The following ZNF516 variants were observed in gnomAD, a reference collection of about 807,000 sequenced individuals.
ZNF516 encodes the protein zinc finger protein 516.
ZNF516 carries 19 observed loss-of-function variants against 79.7 expected under a neutral mutation model. That is an observed-to-expected ratio of 0.24 (90% CI 0.17 to 0.35). The LOEUF (loss-of-function observed/expected upper bound fraction) is 0.35. ZNF516 is among the 10% of genes least tolerant of loss of function. The probability of loss-of-function intolerance (pLI) is 1.00; values close to 1 mark genes in which losing one functional copy is unlikely to be tolerated. For missense variants in ZNF516, 1,678 were observed against 1,679.5 expected (o/e 1.00, Z 0.02); for synonymous variants, 877 against 739.5 (o/e 1.19, Z -3.02).
intron 3 of ZNF516, among the ~76,000 whole-genome samples, chr18:76,403,834 T>C (rs757654352): frequency 7.2e-5 from 11 of 152,316 alleles, no homozygotes; most frequent in Middle Eastern, 3.4e-3. Context: ...ACATCAAAAC[T>C]AAAAGATGCA....
chr18:76,443,302 A>C, intron 2 of ZNF516, 91 bp from the exon 3 acceptor site: 1 of 487,590 alleles, frequency 2.1e-6, no homozygotes, highest in Non-Finnish European at 3.6e-6. Context: ...CCCAAAACAT[A>C]CCCATCCAAC....
intron 3 of ZNF516, among the ~76,000 whole-genome samples, chr18:76,427,449 G>T (rs1295797803): frequency 6.6e-6 from 1 of 152,158 alleles, no homozygotes; most frequent in Non-Finnish European, 1.5e-5. Flanking sequence ...AATTTTGTTG[G>T]AAAAACCAGA....
chr18:76,364,466 G>C (rs899492078), intron 6 of ZNF516, among the ~76,000 whole-genome samples: 2 of 152,166 alleles, frequency 1.3e-5, no homozygotes, highest in African/African-American at 4.8e-5. Flanking sequence ...CAAAACATGA[G>C]AAGCTTTCGG....
chr18:76,442,737 G>C lies in ZNF516; in HGVS notation c.318C>G (p.Arg106=). 1 of 1,583,122 alleles carries C rather than the reference G, an allele frequency of 6.3e-7. No homozygotes were observed. Among genetic ancestry groups the C allele is most frequent in the South Asian group, 1.1e-5 (1 of 87,940 alleles). The change falls in exon 3 of 7, where the codon CGC becomes CGG. Residue 106 remains arginine (R), a synonymous_variant. Coordinates refer to ENST00000443185, the MANE Select transcript of ZNF516 (RefSeq NM_014643.4). ...EAGEAPLGEM[R]ASEGLDACAS... is the part of the protein sequence containing the mutation. Reference sequence around the variant, plus strand: ...CGCAGGCGTCCAGGCCCTCGGAGGCGCGCATCTCACCCAGCGGCGCCTCGC... The same window carrying C: ...CGCAGGCGTCCAGGCCCTCGGAGGCCCGCATCTCACCCAGCGGCGCCTCGC...
chr18:76,403,426 G>A (rs1480126554), intron 3 of ZNF516, among the ~76,000 whole-genome samples: 1 of 152,200 alleles, frequency 6.6e-6, no homozygotes, highest in Non-Finnish European at 1.5e-5. Context: ...TACATGCACA[G>A]CCACACCTGG....
chr18:76,464,169 C>CA (rs566545722), intron 1 of ZNF516, among the ~76,000 whole-genome samples: 8 of 150,460 alleles, frequency 5.3e-5, no homozygotes, highest in South Asian at 2.1e-4. Flanking sequence ...ACTAAAAATA[C>CA]AAAAAAAAAT....
In ZNF516 at chr18:76,359,768, G is replaced by T. The variant is rs1466583594; in HGVS notation, c.*2730C>A. 1 of 152,032 alleles carries T rather than the reference G, an allele frequency of 6.6e-6. No individual in the cohort carries two copies. Among genetic ancestry groups the T allele is most frequent in the Non-Finnish European group, 1.5e-5 (1 of 68,000 alleles). 9.4% of individuals were successfully genotyped at this position (152,032 alleles called of 1,614,324 possible). A position where few individuals can be genotyped will look rare whatever the true frequency, so the allele number is the denominator to read the frequency against. ...AAACAGCAGATCGGGAGAGGTAGTA[G>T]AAAGTCTGTAACAGTCAGAAGACAA... On this transcript the variant is annotated 3_prime_UTR_variant, in exon 7 of 7. Transcript: ENST00000443185.
chr18:76,456,316 T>C (rs1912720677), intron 2 of ZNF516, among the ~76,000 whole-genome samples: 1 of 152,220 alleles, frequency 6.6e-6, no homozygotes, highest in Non-Finnish European at 1.5e-5. Context: ...TGACTAAGAA[T>C]TGGAGGCAAG....
At chr18:76,400,118 G>C (rs1232616533) in intron 3 of ZNF516, among the ~76,000 whole-genome samples, 1 of 152,098 alleles carries the variant, frequency 6.6e-6, no homozygotes, top group Non-Finnish European at 1.5e-5. Context: ...GGGTGTGAAA[G>C]GGCTGGAAAT....
intron 1 of ZNF516, among the ~76,000 whole-genome samples, chr18:76,480,723 T>C (rs750885436): frequency 1.3e-5 from 2 of 152,112 alleles, no homozygotes; most frequent in African/African-American, 2.4e-5. Flanking sequence ...GGTTTTGCCA[T>C]GTTGGCCAGG....
intron 3 of ZNF516, among the ~76,000 whole-genome samples, chr18:76,415,436 A>G (rs1290728837): frequency 6.6e-6 from 1 of 152,144 alleles, no homozygotes; most frequent in African/African-American, 2.4e-5. Context: ...TCCAACCACT[A>G]AGTGCACGCC....
intron 3 of ZNF516, among the ~76,000 whole-genome samples, chr18:76,405,157 G>T (rs567058904): frequency 6.6e-6 from 1 of 152,206 alleles, no homozygotes; most frequent in Admixed American, 6.5e-5. Context: ...TCGGGAACAC[G>T]GTTTCCAGGG....
At chr18:76,462,011 G>A (rs970002968) in intron 2 of ZNF516, among the ~76,000 whole-genome samples, 11 of 152,356 alleles carry the variant, frequency 7.2e-5, no homozygotes, top group East Asian at 3.9e-4. Flanking sequence ...TCAAGCGTGC[G>A]GGCCCTGGCT....
Position 76,442,761 on chromosome 18 carries a change from G to C in ZNF516, c.294C>G (p.Gly98=). Residue 98 remains glycine (G), a synonymous_variant, in exon 3 of 7, where the codon GGC becomes GGG. Coordinates refer to ENST00000443185, the MANE Select transcript of ZNF516 (RefSeq NM_014643.4). ...CGCGCATCTCACCCAGCGGCGCCTCGCCCGCCTCCGGCTCGTGTCCCTGAA... is the reference window on the plus strand; with the variant it reads ...CGCGCATCTCACCCAGCGGCGCCTCCCCCGCCTCCGGCTCGTGTCCCTGAA... ...TLIQGHEPEA[G]EAPLGEMRAS... 1.9e-6 allele frequency: 3 copies of C among 1,590,320 alleles called. No individual in the cohort carries two copies. In the South Asian group the frequency reaches 3.4e-5, roughly 18 times the overall value.
intron 3 of ZNF516, among the ~76,000 whole-genome samples, chr18:76,407,202 G>C (rs189106531): frequency 6.6e-6 from 1 of 152,120 alleles, no homozygotes; most frequent in African/African-American, 2.4e-5. Flanking sequence ...CAAAGGCCAA[G>C]GAGGATCACT....
intron 3 of ZNF516, among the ~76,000 whole-genome samples, chr18:76,405,472 C>A (rs2075291712): frequency 6.6e-6 from 1 of 152,166 alleles, no homozygotes; most frequent in African/African-American, 2.4e-5. Flanking sequence ...AGTGCATCAG[C>A]ATGAAGCAGC....
intron 2 of ZNF516, among the ~76,000 whole-genome samples, chr18:76,450,918 C>T (rs935514793): frequency 3.9e-5 from 6 of 152,246 alleles, no homozygotes; most frequent in South Asian, 2.1e-4. Context: ...CTACAACTAC[C>T]GAAGTTGACC....
chr18:76,474,821 A>G (rs943115343), intron 1 of ZNF516, among the ~76,000 whole-genome samples: 2 of 152,216 alleles, frequency 1.3e-5, no homozygotes, highest in Non-Finnish European at 2.9e-5. Context: ...GACAGAAGGA[A>G]AATTTTAAAA....
At chr18:76,367,625 C>T (rs978413342) in intron 6 of ZNF516, among the ~76,000 whole-genome samples, 5 of 152,266 alleles carry the variant, frequency 3.3e-5, no homozygotes, top group African/African-American at 9.6e-5. Context: ...TCCCTCCGCC[C>T]CTCCATAGTC....
Sources: allele counts gnomAD v4.1 joint callset (sites outside exome capture counted in the v4.1 genomes callset), GRCh38; gene constraint gnomAD v4.1.1; transcripts MANE v1.5; gene names NCBI Gene and HGNC (gene_info 2026-07-23, HGNC 2026-07-21).